Variants in THSD7B observed in about 807,000 individuals in gnomAD.
THSD7B encodes the protein thrombospondin type 1 domain containing 7B, also known as thrombospondin type-1 domain-containing protein 7B.
Under a neutral mutation model 213.6 loss-of-function variants are expected in THSD7B, and 138 were observed. That is an observed-to-expected ratio of 0.65 (90% CI 0.56 to 0.74). The LOEUF (loss-of-function observed/expected upper bound fraction) is 0.74. Ranked by LOEUF, THSD7B falls within the 30% of genes least tolerant of loss-of-function variation. The pLI is 0.00. For synonymous variants in THSD7B, 742 were observed against 687.0 expected, an observed-to-expected ratio of 1.08 and a Z score of -1.25; for missense variants, 1,931 against 1,991.5, an observed-to-expected ratio of 0.97 and a Z score of 0.58.
chr2:137,424,165 T>C (rs953838270), intron 14 of THSD7B, among the ~76,000 whole-genome samples: 3 of 152,008 alleles, frequency 2.0e-5, no homozygotes, highest in Non-Finnish European at 4.4e-5. Context: ...ATTAACAAAA[T>C]GAATCATAGA....
chr2:137,441,346 A>G (rs1687405827), intron 14 of THSD7B, among the ~76,000 whole-genome samples: 1 of 152,060 alleles, frequency 6.6e-6, no homozygotes, highest in African/African-American at 2.4e-5. Flanking sequence ...ACAGCACCCT[A>G]GCCAAATTTA....
intron 15 of THSD7B, among the ~76,000 whole-genome samples, chr2:137,501,466 G>C (rs957412783): frequency 6.6e-6 from 1 of 151,886 alleles, no homozygotes; most frequent in Non-Finnish European, 1.5e-5. Context: ...TTTATTAAGA[G>C]ATCAAAATAT....
intron 4 of THSD7B, among the ~76,000 whole-genome samples, chr2:137,097,586 G>A (rs1688062091): frequency 6.6e-6 from 1 of 152,042 alleles, no homozygotes; most frequent in Non-Finnish European, 1.5e-5. Context: ...ACATGCATTT[G>A]TGTGCATCAT....
At chr2:137,398,451 G>T (rs1686255249) in intron 12 of THSD7B, among the ~76,000 whole-genome samples, 1 of 151,712 alleles carries the variant, frequency 6.6e-6, no homozygotes, top group Non-Finnish European at 1.5e-5. Context: ...CCCCTGCTGG[G>T]GGGTGCCTCC....
chr2:137,330,898 G>C (rs1370367064), intron 12 of THSD7B, among the ~76,000 whole-genome samples: 1 of 152,162 alleles, frequency 6.6e-6, no homozygotes, highest in Non-Finnish European at 1.5e-5. Context: ...TGTTTTGACA[G>C]GGCGCTGATT....
intron 4 of THSD7B, among the ~76,000 whole-genome samples, chr2:137,107,957 C>A (rs1688286554): frequency 6.6e-6 from 1 of 152,134 alleles, no homozygotes; most frequent in South Asian, 2.1e-4. Context: ...CAAAAAATGA[C>A]AAGTTAATTC....
intron 12 of THSD7B, among the ~76,000 whole-genome samples, chr2:137,365,431 A>AACT (rs1685385142): frequency 6.6e-6 from 1 of 152,230 alleles, no homozygotes; most frequent in Admixed American, 6.5e-5. Flanking sequence ...CAGCAAAAGA[A>AACT]ACTACCATCA....
chr2:136,898,406 A>G (rs893860708), intron 2 of THSD7B, among the ~76,000 whole-genome samples: 4 of 152,152 alleles, frequency 2.6e-5, no homozygotes, highest in African/African-American at 4.8e-5. Context: ...TCCTGACCTC[A>G]GGTGATCTGC....
chr2:137,010,430 A>G (rs1338062618), intron 2 of THSD7B, among the ~76,000 whole-genome samples: 2 of 152,224 alleles, frequency 1.3e-5, no homozygotes, highest in Non-Finnish European at 2.9e-5. Context: ...ATAAAATAAC[A>G]GTAATGTCTA....
chr2:136,881,576 A>G (rs1243431496), intron 1 of THSD7B, among the ~76,000 whole-genome samples: 1 of 152,176 alleles, frequency 6.6e-6, no homozygotes, highest in Non-Finnish European at 1.5e-5. Flanking sequence ...ATTTCTGTAC[A>G]GAAGAAACTT....
chr2:136,998,916 ACAC>A (rs1558881997), intron 2 of THSD7B, among the ~76,000 whole-genome samples: 1,857 of 85,766 alleles, frequency 0.022, 42 homozygotes, highest in Admixed American at 0.072. Context: ...ACAGACACAC[ACAC>A]ACACACACAC....
chr2:137,253,427 A>G (rs1240126714), intron 10 of THSD7B, among the ~76,000 whole-genome samples: 1 of 152,206 alleles, frequency 6.6e-6, no homozygotes, highest in African/African-American at 2.4e-5. Flanking sequence ...CAGCCAGGCT[A>G]TGTTACCATA....
chr2:137,220,967 G>A (rs1223916965), intron 7 of THSD7B, among the ~76,000 whole-genome samples: 2 of 152,124 alleles, frequency 1.3e-5, no homozygotes, highest in Non-Finnish European at 1.5e-5. Context: ...ATGACATTCT[G>A]GGGGAGGAGG....
chr2:136,920,497 G>A (rs1159356131), intron 2 of THSD7B, among the ~76,000 whole-genome samples: 1 of 152,152 alleles, frequency 6.6e-6, no homozygotes, highest in Non-Finnish European at 1.5e-5. Context: ...GAAGGAAGTG[G>A]GTGCTGATTG....
At chr2:137,560,370 T>A (rs2105220167) in intron 15 of THSD7B, among the ~76,000 whole-genome samples, 1 of 152,280 alleles carries the variant, frequency 6.6e-6, no homozygotes, top group African/African-American at 2.4e-5. Context: ...CACCATGGAA[T>A]ACTATGCAGC....
rs1400732720 is a variant in THSD7B, at chr2:136,800,100, A to G, written c.-36+34413A>G. On this transcript the variant is annotated intron_variant, in intron 1 of 27. Coordinates refer to ENST00000409968, the MANE Select transcript of THSD7B (RefSeq NM_001316349.2). Reference sequence around the variant, plus strand: ...TGATTTCATTAAAAAACAATTGTATATATTATAATTTAAAGAAACGCTAAT... The same window carrying G: ...TGATTTCATTAAAAAACAATTGTATGTATTATAATTTAAAGAAACGCTAAT... Among the ~76,000 whole-genome samples, 19 of 151,998 alleles carry G rather than the reference A, an allele frequency of 1.3e-4. 1 individual carries two copies. The highest frequency in any genetic ancestry group is 1.1e-3 in the Admixed American group (17 of 15,238).
Position 137,005,588 on chromosome 2 carries a change from A to G in THSD7B, c.140-50832A>G, listed in dbSNP as rs187119066. 8.1e-4 allele frequency among the ~76,000 whole-genome samples: 123 copies of G among 152,358 alleles called. 2 individuals are homozygous for G. The highest frequency in any genetic ancestry group is 2.9e-3 in the African/African-American group (122 of 41,588). ...TACCTGTATTGTTGGCTACTCTGTCATAATTACTTCTGCAATTGCCAAGTT... is the reference window on the plus strand; with the variant it reads ...TACCTGTATTGTTGGCTACTCTGTCGTAATTACTTCTGCAATTGCCAAGTT... On this transcript the variant is annotated intron_variant, in intron 2 of 27. Transcript: ENST00000409968.
chr2:137,559,120 G>A (rs1048230020), intron 15 of THSD7B, among the ~76,000 whole-genome samples: 7 of 152,074 alleles, frequency 4.6e-5, no homozygotes, highest in Admixed American at 2.0e-4. Flanking sequence ...AATCAATATC[G>A]TGAAAATGGC....
chr2:136,820,701 C>T (rs890673323), intron 1 of THSD7B, among the ~76,000 whole-genome samples: 1 of 152,146 alleles, frequency 6.6e-6, no homozygotes, highest in East Asian at 1.9e-4. Flanking sequence ...TATTAGATAA[C>T]AGTAGCATAT....
Sources: gnomAD v4.1 joint callset for allele counts (sites outside exome capture counted in the v4.1 genomes callset) on GRCh38, gnomAD v4.1.1 for gene constraint, MANE v1.5 for transcripts, NCBI Gene and HGNC (gene_info 2026-07-23, HGNC 2026-07-21) for gene names.